BMPER: variants seen among roughly 807,000 people sequenced by gnomAD.
The protein encoded by BMPER is BMP binding endothelial regulator.
BMPER carries 45 observed loss-of-function variants against 87.3 expected under a neutral mutation model. That is an observed-to-expected ratio of 0.52 (90% CI 0.41 to 0.66). The LOEUF is 0.66. Among genes scored for constraint, BMPER ranks in the 30% least tolerant of loss-of-function variants. BMPER has a pLI of 0.00. For missense variants in BMPER, 784 were observed against 867.5 expected (o/e 0.90, Z 1.21); for synonymous variants, 326 against 316.2 (o/e 1.03, Z -0.33).
intron 3 of BMPER, among the ~76,000 whole-genome samples, chr7:33,941,066 A>G (rs182148605): frequency 0.019 from 2,512 of 135,222 alleles, 33 homozygotes; most frequent in African/African-American, 0.03. Context: ...AATATATTAC[A>G]TATAATTTAT....
chr7:34,110,399 G>A (rs1037598353), intron 13 of BMPER, among the ~76,000 whole-genome samples: 1 of 152,266 alleles, frequency 6.6e-6, no homozygotes, highest in East Asian at 1.9e-4. Flanking sequence ...ACAGGTTAGC[G>A]TTTGCTTCCT....
At chr7:34,150,116 C>T (rs146021235) in intron 14 of BMPER, among the ~76,000 whole-genome samples, 4 of 152,210 alleles carry the variant, frequency 2.6e-5, no homozygotes, top group East Asian at 1.9e-4. Context: ...CTACAACCAA[C>T]GCTGAAAGAG....
At chr7:34,035,481 T>A (rs1787637859) in intron 6 of BMPER, among the ~76,000 whole-genome samples, 1 of 152,218 alleles carries the variant, frequency 6.6e-6, no homozygotes, top group Admixed American at 6.5e-5. Context: ...CGTAGTGTGC[T>A]CAGGCATACT....
At chr7:34,077,796 C>T (rs1288961172) in intron 11 of BMPER, among the ~76,000 whole-genome samples, 3 of 152,152 alleles carry the variant, frequency 2.0e-5, no homozygotes, top group Non-Finnish European at 4.4e-5. Flanking sequence ...CAATTCTTCC[C>T]TTAGATATTC....
chr7:34,078,607 G>C (rs1788927192), intron 11 of BMPER, among the ~76,000 whole-genome samples: 1 of 152,116 alleles, frequency 6.6e-6, no homozygotes, highest in South Asian at 2.1e-4. Flanking sequence ...GCATATCTAG[G>C]CTACAAAATA....
At chr7:33,974,859 G>A in intron 6 of BMPER, 75 bp downstream of exon 6, 1 of 1,385,254 alleles carries the variant, frequency 7.2e-7, no homozygotes, top group Admixed American at 1.7e-5. Context: ...AGCACCCCCG[G>A]TCTCTACAGC....
At chr7:34,042,786 G>T (rs1787865914) in intron 6 of BMPER, 1 of 152,142 alleles carries the variant, frequency 6.6e-6, no homozygotes. Context: ...CAGAGGACTG[G>T]CCCCTACCCC....
At chr7:33,949,645 C>T (rs1423083712) in intron 3 of BMPER, among the ~76,000 whole-genome samples, 1 of 151,884 alleles carries the variant, frequency 6.6e-6, no homozygotes, top group African/African-American at 2.4e-5. Flanking sequence ...GAATTTCTCA[C>T]ATGCTTCTTG....
intron 2 of BMPER, among the ~76,000 whole-genome samples, chr7:33,919,710 CAGG>C (rs1393071061): frequency 6.6e-6 from 1 of 152,170 alleles, no homozygotes; most frequent in Non-Finnish European, 1.5e-5. Flanking sequence ...CACTGCAAGA[CAGG>C]AGCAATGCTT....
intron 2 of BMPER, among the ~76,000 whole-genome samples, chr7:33,926,420 T>G (rs1376027451): frequency 6.6e-6 from 1 of 152,232 alleles, no homozygotes. Flanking sequence ...TGGTTGATAT[T>G]TTCCTTTAAA....
At chr7:34,022,729 G>T (rs1787229766) in intron 6 of BMPER, among the ~76,000 whole-genome samples, 1 of 146,750 alleles carries the variant, frequency 6.8e-6, no homozygotes, top group South Asian at 2.1e-4. Context: ...AAAAAAGGAA[G>T]AGGAGAAGAG....
At position 33,919,925 on chromosome 7, in the gene BMPER, A is replaced by ATCTG. The variant is rs1181378153; in HGVS notation, c.219+13025_219+13026insGTCT. Among the ~76,000 whole-genome samples, 82 of 151,702 alleles carry ATCTG rather than the reference A, an allele frequency of 5.4e-4. 1 individual carries two copies. The highest frequency in any genetic ancestry group is 2.0e-3 in the African/African-American group (82 of 41,230). On this transcript the variant is annotated intron_variant, in intron 2 of 14. Coordinates refer to ENST00000649409, the MANE Select transcript of BMPER (RefSeq NM_001365308.1). ...TATAAGGTTATGTATCTGTGTACAT[A>ATCTG]TCTATCTATCTATCTATCTATCTAT...
At position 33,906,447 on chromosome 7, in the gene BMPER, G is replaced by GT. The variant is rs1562622093; in HGVS notation, c.134-371_134-370insT. On this transcript the variant is annotated intron_variant, in intron 1 of 14. Coordinates refer to ENST00000649409, the MANE Select transcript of BMPER (RefSeq NM_001365308.1). ...AATTTAAAATCTGCCCCAATTTGAG[G>GT]GTTTTTTTAAATTTTATTTTTTATT... Among the ~76,000 whole-genome samples the GT allele has an allele frequency of 2.9e-3, 403 of 137,958 alleles. 1 individual carries two copies. The highest frequency in any genetic ancestry group is 9.0e-3 in the African/African-American group (336 of 37,472). The allele number at this position is 137,958 out of a possible 152,430, so 90.5% of individuals were successfully genotyped here.
At chr7:33,922,853 A>G (rs986829297) in intron 2 of BMPER, among the ~76,000 whole-genome samples, 1 of 152,168 alleles carries the variant, frequency 6.6e-6, no homozygotes, top group African/African-American at 2.4e-5. Flanking sequence ...GTGCTGATAT[A>G]ATTTAGCCTG....
At chr7:34,071,029 C>T (rs1371431026) in intron 11 of BMPER, among the ~76,000 whole-genome samples, 1 of 152,076 alleles carries the variant, frequency 6.6e-6, no homozygotes, top group Non-Finnish European at 1.5e-5. Flanking sequence ...TGGCCTCCTG[C>T]TCTTCTTGTA....
intron 6 of BMPER, among the ~76,000 whole-genome samples, chr7:34,018,560 C>T (rs1787098721): frequency 6.6e-6 from 1 of 151,932 alleles, no homozygotes; most frequent in South Asian, 2.1e-4. Context: ...AACTGGACAC[C>T]AAGACGAGTC....
chr7:33,929,665 A>T (rs1259754790), intron 2 of BMPER, among the ~76,000 whole-genome samples: 1 of 152,182 alleles, frequency 6.6e-6, no homozygotes, highest in Non-Finnish European at 1.5e-5. Flanking sequence ...CTGGGTTTGA[A>T]TCTCTGCCCT....
intron 3 of BMPER, among the ~76,000 whole-genome samples, chr7:33,958,401 G>T (rs1217241429): frequency 6.6e-6 from 1 of 152,214 alleles, no homozygotes; most frequent in Non-Finnish European, 1.5e-5. Flanking sequence ...GCTTAGCATA[G>T]TTGGTAGCCA....
intron 2 of BMPER, among the ~76,000 whole-genome samples, chr7:33,919,385 A>T (rs1312320022): frequency 6.6e-6 from 1 of 152,226 alleles, no homozygotes; most frequent in African/African-American, 2.4e-5. Flanking sequence ...GGGTATTTAA[A>T]TTCAGAGTGA....
Sources: gnomAD v4.1 joint callset for allele counts (sites outside exome capture counted in the v4.1 genomes callset) on GRCh38, gnomAD v4.1.1 for gene constraint, MANE v1.5 for transcripts, NCBI Gene and HGNC (gene_info 2026-07-23, HGNC 2026-07-21) for gene names.